NKAIN2: variants seen among roughly 807,000 people sequenced by gnomAD.
NKAIN2 encodes sodium/potassium transporting ATPase interacting 2.
NKAIN2 carries 14 observed loss-of-function variants against 32.6 expected under a neutral mutation model. The observed-to-expected ratio is 0.43, with a 90% CI of 0.28 to 0.67. The LOEUF (loss-of-function observed/expected upper bound fraction) is 0.67, where lower values mean the gene tolerates loss of function less well. Among genes scored for constraint, NKAIN2 ranks in the 30% least tolerant of loss-of-function variants. The pLI, the probability that NKAIN2 is intolerant of heterozygous loss-of-function variation, is 0.17. For missense variants in NKAIN2, 198 were observed against 258.3 expected (o/e 0.77, Z 1.60); for synonymous variants, 80 against 87.2 (o/e 0.92, Z 0.46).
At chr6:124,274,148 G>A (rs1207039857) in intron 1 of NKAIN2, among the ~76,000 whole-genome samples, 3 of 152,140 alleles carry the variant, frequency 2.0e-5, no homozygotes, top group African/African-American at 7.2e-5. Context: ...TGTCATTTTT[G>A]TGCCTCTGCA....
intron 3 of NKAIN2, among the ~76,000 whole-genome samples, chr6:124,543,413 A>G (rs1047301904): frequency 6.6e-6 from 1 of 152,212 alleles, no homozygotes; most frequent in Non-Finnish European, 1.5e-5. Context: ...CTTCATTGTA[A>G]TAAGAAAACT....
chr6:124,356,598 A>G (rs905937874), intron 3 of NKAIN2, among the ~76,000 whole-genome samples: 1 of 152,106 alleles, frequency 6.6e-6, no homozygotes, highest in Admixed American at 6.6e-5. Flanking sequence ...ATCGTTCCCC[A>G]CACTCTGGTT....
chr6:124,823,207 T>TC lies in NKAIN2; in HGVS notation c.618-13_618-12insC. On this transcript the variant is annotated splice_polypyrimidine_tract_variant and intron_variant, in intron 6 of 6. Coordinates refer to ENST00000368417, the MANE Select transcript of NKAIN2 (RefSeq NM_001040214.3). ...TTTCCCCCTTGACTAAAAACATCTT[T>TC]TCTCTCTCTCAGGTCAAAATAATAC... is the stretch of plus-strand genomic sequence containing the variant. 1 of 1,582,094 alleles carries TC rather than the reference T, an allele frequency of 6.3e-7. No homozygotes were observed. The highest frequency in any genetic ancestry group is 8.7e-7 in the Non-Finnish European group (1 of 1,150,350).
At chr6:124,700,169 ACT>A (rs1487096286) in intron 4 of NKAIN2, among the ~76,000 whole-genome samples, 2 of 152,106 alleles carry the variant, frequency 1.3e-5, no homozygotes, top group East Asian at 3.9e-4. Flanking sequence ...TAAGTGAGTG[ACT>A]CTAATTATTG....
intron 1 of NKAIN2, among the ~76,000 whole-genome samples, chr6:123,991,144 A>G (rs1330922318): frequency 6.6e-6 from 1 of 152,232 alleles, no homozygotes; most frequent in African/African-American, 2.4e-5. Flanking sequence ...TCTTAAGGAA[A>G]TAAAAAGATT....
At chr6:124,130,344 A>T (rs895965372) in intron 1 of NKAIN2, among the ~76,000 whole-genome samples, 1 of 152,184 alleles carries the variant, frequency 6.6e-6, no homozygotes, top group Non-Finnish European at 1.5e-5. Flanking sequence ...TGATTACCTC[A>T]TCAGAAAGGG....
At chr6:124,239,464 A>G (rs1279554826) in intron 1 of NKAIN2, among the ~76,000 whole-genome samples, 2 of 152,166 alleles carry the variant, frequency 1.3e-5, no homozygotes, top group African/African-American at 4.8e-5. Flanking sequence ...ACCACGTCAC[A>G]CTTATTCTAA....
At chr6:124,030,324 C>T (rs369342595) in intron 1 of NKAIN2, among the ~76,000 whole-genome samples, 54 of 152,258 alleles carry the variant, frequency 3.5e-4, no homozygotes, top group African/African-American at 1.3e-3. Context: ...TTGTTTTCCA[C>T]GAAACCCATC....
intron 1 of NKAIN2, among the ~76,000 whole-genome samples, chr6:124,260,373 G>T (rs545632721): frequency 1.3e-5 from 2 of 152,278 alleles, no homozygotes; most frequent in South Asian, 2.1e-4. Context: ...TGGAATGTGT[G>T]GTCAAGGTGA....
chr6:124,654,804 A>G (rs559018349), intron 3 of NKAIN2, among the ~76,000 whole-genome samples: 83 of 152,190 alleles, frequency 5.5e-4, no homozygotes, highest in Non-Finnish European at 1.0e-3. Flanking sequence ...ACAGAATGCC[A>G]AATATTACCA....
intron 1 of NKAIN2, among the ~76,000 whole-genome samples, chr6:123,968,982 T>C (rs1321831269): frequency 2.6e-5 from 4 of 152,170 alleles, no homozygotes; most frequent in African/African-American, 9.7e-5. Flanking sequence ...TCTACTCTTC[T>C]GTAGTTTCCT....
intron 4 of NKAIN2, among the ~76,000 whole-genome samples, chr6:124,688,020 A>T (rs1408307612): frequency 6.6e-6 from 1 of 151,850 alleles, no homozygotes; most frequent in Admixed American, 6.6e-5. Flanking sequence ...TTTACTAACC[A>T]TCATTATTCA....
At chr6:123,806,137 A>G (rs576896913) in intron 1 of NKAIN2, among the ~76,000 whole-genome samples, 27 of 152,270 alleles carry the variant, frequency 1.8e-4, no homozygotes, top group Non-Finnish European at 3.4e-4. Flanking sequence ...ATCCATACAT[A>G]CAATGGTGTC....
chr6:124,565,501 A>G (rs895876926), intron 3 of NKAIN2, among the ~76,000 whole-genome samples: 8 of 152,334 alleles, frequency 5.3e-5, no homozygotes, highest in Non-Finnish European at 1.5e-5. Context: ...ATTTTATCTC[A>G]ATATGGGGTT....
At chr6:123,807,875 T>C (rs543255176) in intron 1 of NKAIN2, among the ~76,000 whole-genome samples, 6 of 152,170 alleles carry the variant, frequency 3.9e-5, no homozygotes, top group African/African-American at 7.2e-5. Context: ...TTGGAGCAGG[T>C]GCAACTAACA....
At chr6:124,098,423 T>G (rs1486951481) in intron 1 of NKAIN2, among the ~76,000 whole-genome samples, 1 of 152,196 alleles carries the variant, frequency 6.6e-6, no homozygotes, top group Non-Finnish European at 1.5e-5. Context: ...GGCATAATAC[T>G]GAGTAATTAA....
Position 123,979,663 on chromosome 6 carries a change from T to G in NKAIN2, c.54+175409T>G, listed in dbSNP as rs550161833. 3.3e-5 allele frequency among the ~76,000 whole-genome samples: 5 copies of G among 152,346 alleles called. No homozygotes were observed. In the South Asian group the frequency reaches 6.2e-4, roughly 19 times the overall value. On this transcript the variant is annotated intron_variant, in intron 1 of 6. Transcript: ENST00000368417. ...ATAAAATCCCATTGCCCAGGATTGT[T>G]TTGTTCTTCATGTGTACTTCATATC...
intron 1 of NKAIN2, among the ~76,000 whole-genome samples, chr6:123,949,305 A>C (rs941620831): frequency 6.6e-6 from 1 of 151,856 alleles, no homozygotes; most frequent in African/African-American, 2.4e-5. Flanking sequence ...GTTTCATATG[A>C]ATAGTAGTAG....
chr6:124,004,036 G>A (rs989672905), intron 1 of NKAIN2, among the ~76,000 whole-genome samples: 2 of 152,168 alleles, frequency 1.3e-5, no homozygotes, highest in Non-Finnish European at 2.9e-5. Context: ...AATTTGTCTG[G>A]ACTAAAATAT....
Sources: allele counts gnomAD v4.1 joint callset (sites outside exome capture counted in the v4.1 genomes callset), GRCh38; gene constraint gnomAD v4.1.1; transcripts MANE v1.5; gene names NCBI Gene and HGNC (gene_info 2026-07-23, HGNC 2026-07-21).